BAHCC1: variants seen among roughly 807,000 people sequenced by gnomAD.
The protein encoded by BAHCC1 is BAH domain and coiled-coil containing 1, also known as BAH and coiled-coil domain-containing protein 1.
Under a neutral mutation model 88.2 loss-of-function variants are expected in BAHCC1, and 43 were observed. That is an observed-to-expected ratio of 0.49 (90% CI 0.38 to 0.63). The LOEUF is 0.63. Ranked by LOEUF, BAHCC1 falls within the 20% of genes least tolerant of loss-of-function variation. BAHCC1 has a pLI of 0.00. For missense variants in BAHCC1, 3,023 were observed against 1,654.8 expected, an observed-to-expected ratio of 1.83 and a Z score of -14.34; for synonymous variants, 1,510 against 745.5, an observed-to-expected ratio of 2.03 and a Z score of -16.71.
chr17:81,444,602 C>A, intron 7 of BAHCC1, 34 bp downstream of exon 7: 1 of 747,046 alleles, frequency 1.3e-6, no homozygotes, highest in Non-Finnish European at 2.5e-6. Context: ...TGGCCTGGGG[C>A]TGATGAGGGT....
intron 2 of BAHCC1, among the ~76,000 whole-genome samples, chr17:81,409,908 G>A (rs537332703): frequency 2.8e-4 from 42 of 152,266 alleles, no homozygotes; most frequent in African/African-American, 6.0e-4. Context: ...CTTCAGGCCC[G>A]GGAGAGCACC....
At chr17:81,395,723 T>G (rs991960562) in intron 1 of BAHCC1, 88 bp downstream of exon 1, 3 of 151,652 alleles carry the variant, frequency 2.0e-5, no homozygotes, top group Non-Finnish European at 4.4e-5. Flanking sequence ...GGGTTTTACA[T>G]TTTTTTTAGC....
chr17:81,427,987 C>T (rs1479322315), intron 3 of BAHCC1, among the ~76,000 whole-genome samples: 2 of 152,224 alleles, frequency 1.3e-5, no homozygotes, highest in Non-Finnish European at 2.9e-5. Context: ...GAACAGGTGA[C>T]GAGTGAGGGA....
rs376016251 is a variant in BAHCC1, at chr17:81,458,155, C to T, written c.5042-10C>T. On this transcript the variant is annotated splice_polypyrimidine_tract_variant and intron_variant, in intron 17 of 27. Transcript: ENST00000675386. ...GGGACCCCTGTGACGGCCTCCTCTC[C>T]TTCCCACAGGGGCCTGCCGCCTGTC... The T allele has an allele frequency of 1.8e-3, 1,314 of 716,866 alleles. 4 individuals are homozygous for T. The highest frequency in any genetic ancestry group is 2.3e-3 in the Non-Finnish European group (868 of 385,056). 44.4% of individuals were successfully genotyped at this position (716,866 alleles called of 1,614,324 possible). A position where few individuals can be genotyped will look rare whatever the true frequency, so the allele number is the denominator to read the frequency against.
chr17:81,397,044 G>A (rs2063752891), intron 1 of BAHCC1: 1 of 152,158 alleles, frequency 6.6e-6, no homozygotes, highest in Non-Finnish European at 1.5e-5. Context: ...TCCCAGCTCG[G>A]GCCGTGTGGC....
At position 81,426,858 on chromosome 17, in the gene BAHCC1, C is replaced by T; in HGVS notation, c.237C>T (p.Thr79=). ...PASSFMGSFL[T]SSLGSAASTH... Reference sequence around the variant, plus strand: ...CCTCGTTCATGGGCAGTTTCCTCACCAGCAGCCTGGGCTCGGCAGCCTCCA... The same window carrying T: ...CCTCGTTCATGGGCAGTTTCCTCACTAGCAGCCTGGGCTCGGCAGCCTCCA... Residue 79 remains threonine, a synonymous_variant, in exon 3 of 28, where the codon ACC becomes ACT. Coordinates refer to ENST00000675386, the MANE Select transcript of BAHCC1 (RefSeq NM_001377448.1). The T allele has an allele frequency of 2.5e-6, 1 of 399,706 alleles. No individual in the cohort carries two copies. Among genetic ancestry groups the T allele is most frequent in the South Asian group, 1.3e-4 (1 of 7,910 alleles). 24.8% of individuals were successfully genotyped at this position (399,706 alleles called of 1,614,324 possible).
intron 2 of BAHCC1, among the ~76,000 whole-genome samples, chr17:81,400,237 C>T (rs1253439727): frequency 5.3e-5 from 8 of 152,230 alleles, no homozygotes; most frequent in African/African-American, 1.7e-4. Flanking sequence ...ACGGAAACCT[C>T]TTTTCTGCAT....
chr17:81,415,391 C>T (rs1555648462), intron 2 of BAHCC1: 1 of 341,502 alleles, frequency 2.9e-6, no homozygotes, highest in Non-Finnish European at 5.8e-6. Flanking sequence ...GGGTGTGAAC[C>T]ACGCCTTGAG....
intron 2 of BAHCC1, among the ~76,000 whole-genome samples, chr17:81,409,671 C>T (rs1194931341): frequency 1.3e-5 from 2 of 152,190 alleles, no homozygotes; most frequent in African/African-American, 4.8e-5. Flanking sequence ...CGCCCAAGGG[C>T]CTGCTCCCCT....
intron 2 of BAHCC1, among the ~76,000 whole-genome samples, chr17:81,412,347 T>A (rs1327515737): frequency 6.6e-6 from 1 of 152,258 alleles, no homozygotes; most frequent in Non-Finnish European, 1.5e-5. Context: ...TGTAATGCAT[T>A]TTTGGGCTAA....
chr17:81,434,008 G>C lies in BAHCC1; in HGVS notation c.359-4362G>C, dbSNP rs1455637802. ...GCTGCACGGCAGGGACGTCCTGCGTGACAGGGACGATGTGCAGAACCTCAA... is the reference window on the plus strand; with the variant it reads ...GCTGCACGGCAGGGACGTCCTGCGTCACAGGGACGATGTGCAGAACCTCAA... On this transcript the variant is annotated intron_variant, in intron 3 of 27. Transcript: ENST00000675386. The surrounding 1 kb of genome is among the most constrained non-coding windows in gnomAD (Gnocchi z 4.9). Among the ~76,000 whole-genome samples the C allele has an allele frequency of 6.6e-6, 1 of 152,196 alleles. No individual in the cohort carries two copies. Among genetic ancestry groups the C allele is most frequent in the African/African-American group, 2.4e-5 (1 of 41,440 alleles).
chr17:81,418,799 G>GCA (rs1314253598), intron 2 of BAHCC1, among the ~76,000 whole-genome samples: 10 of 67,214 alleles, frequency 1.5e-4, no homozygotes, highest in African/African-American at 5.8e-4. Flanking sequence ...GTGTGTGCGT[G>GCA]TGTGTGTGTA....
chr17:81,397,727 C>A (rs1437262592), intron 1 of BAHCC1, among the ~76,000 whole-genome samples: 1 of 152,162 alleles, frequency 6.6e-6, no homozygotes, highest in African/African-American at 2.4e-5. Context: ...CTTTGCAGGC[C>A]GGGATCGGGG....
At chr17:81,436,806 C>T (rs2143476603) in intron 3 of BAHCC1, among the ~76,000 whole-genome samples, 1 of 152,346 alleles carries the variant, frequency 6.6e-6, no homozygotes, top group Non-Finnish European at 1.5e-5. Flanking sequence ...CAGACTTGGC[C>T]TGGGATGTGC....
Position 81,419,788 on chromosome 17 carries a change from C to CTTTTTTT in BAHCC1, c.179-7012_179-7011insTTTTTTT, listed in dbSNP as rs781909536. ...TGGAGCTGCCGCCATCTCAACGAGGCGTTTTTTTTTTTTTTTTTTTTTACA... is the reference window on the plus strand; with the variant it reads ...TGGAGCTGCCGCCATCTCAACGAGGCTTTTTTTGTTTTTTTTTTTTTTTTTTTTTACA... On this transcript the variant is annotated intron_variant, in intron 2 of 27. Coordinates refer to ENST00000675386, the MANE Select transcript of BAHCC1 (RefSeq NM_001377448.1). Among the ~76,000 whole-genome samples the CTTTTTTT allele has an allele frequency of 5.9e-5, 6 of 102,310 alleles. 3 individuals are homozygous for CTTTTTTT. The highest frequency in any genetic ancestry group is 7.6e-5 in the African/African-American group (2 of 26,386). 67.1% of individuals were successfully genotyped at this position (102,310 alleles called of 152,430 possible).
At position 81,411,826 on chromosome 17, in the gene BAHCC1, G is replaced by A. The variant is rs782616704; in HGVS notation, c.178+11909G>A. ...TGCACGCCTCAGCAAGGTCGTTCCC[G>A]ACAAGCCCCTCACCGCCCCGGCCCC... On this transcript the variant is annotated intron_variant, in intron 2 of 27. Transcript: ENST00000675386. This position sits in a 1 kb window ranked among gnomAD's most constrained non-coding sequence, Gnocchi z 6.2. 7.9e-5 allele frequency among the ~76,000 whole-genome samples: 12 copies of A among 152,156 alleles called. No individual in the cohort carries two copies. The highest frequency in any genetic ancestry group is 1.3e-4 in the Non-Finnish European group (9 of 68,024).
chr17:81,438,257 TGCGGGACATC>T, intron 3 of BAHCC1, 103 bp from the exon 4 acceptor site: 1 of 703,304 alleles, frequency 1.4e-6, no homozygotes, highest in Non-Finnish European at 2.6e-6. Flanking sequence ...TGCTGGGCTC[TGCGGGACATC>T]GCTCCTGGGC....
chr17:81,430,254 G>A (rs979136393), intron 3 of BAHCC1, among the ~76,000 whole-genome samples: 43 of 152,110 alleles, frequency 2.8e-4, no homozygotes, highest in Non-Finnish European at 5.9e-4. Flanking sequence ...ACCACCCACA[G>A]GGCCAATGAA....
rs781885766 is a variant in BAHCC1, at chr17:81,443,272, C to T, written c.1923C>T (p.Ser641=). 5 of 779,504 alleles carry T rather than the reference C, an allele frequency of 6.4e-6. No individual in the cohort carries two copies. The South Asian group carries it at 6.7e-5, about 10-fold the overall frequency. 48.3% of individuals were successfully genotyped at this position (779,504 alleles called of 1,614,324 possible). Reference sequence around the variant, plus strand: ...TGAAGAACCTGCTCAAATACAGCAGCCAGGCCCTGGTGGTGGGCCAGAAAG... The same window carrying T: ...TGAAGAACCTGCTCAAATACAGCAGTCAGGCCCTGGTGGTGGGCCAGAAAG... The part of the protein sequence containing the change: ...SAMKNLLKYS[S]QALVVGQKAP... Residue 641 remains serine, a synonymous_variant, in exon 5 of 28, where the codon AGC becomes AGT. Coordinates refer to ENST00000675386, the MANE Select transcript of BAHCC1 (RefSeq NM_001377448.1).
Sources: allele counts gnomAD v4.1 joint callset (sites outside exome capture counted in the v4.1 genomes callset), GRCh38; gene constraint gnomAD v4.1.1; non-coding constraint Gnocchi (gnomAD v3.1); transcripts MANE v1.5; gene names NCBI Gene and HGNC (gene_info 2026-07-23, HGNC 2026-07-21).